The following PDE1C variants were observed in gnomAD, a reference collection of about 807,000 sequenced individuals.
PDE1C encodes phosphodiesterase 1C.
In PDE1C, 62 loss-of-function variants were observed where a neutral mutation model predicts 93.1. The ratio of observed to expected loss-of-function variants is 0.67; its 90% CI spans 0.54 to 0.82. PDE1C has a LOEUF of 0.82. PDE1C is among the 40% of genes least tolerant of loss of function. The pLI, the probability that PDE1C is intolerant of heterozygous loss-of-function variation, is 0.00. For synonymous variants in PDE1C, 325 were observed against 310.1 expected, an observed-to-expected ratio of 1.05 and a Z score of -0.50; for missense variants, 742 against 884.6, an observed-to-expected ratio of 0.84 and a Z score of 2.04.
the PDE1C span, chr7:31,652,846 T>C: frequency 3.7e-6 from 6 of 1,602,268 alleles, no homozygotes; most frequent in East Asian, 1.3e-4. Context: ...GCAGGTTTGT[T>C]AACCTTCATA....
the PDE1C span, among the ~76,000 whole-genome samples, chr7:31,619,977 T>A: frequency 6.6e-6 from 1 of 152,066 alleles, no homozygotes; most frequent in Non-Finnish European, 1.5e-5. Context: ...GCTTGGCGGG[T>A]CCTACGCCCA....
At chr7:32,098,361 T>C (rs1797876030) in intron 3 of PDE1C, among the ~76,000 whole-genome samples, 1 of 152,116 alleles carries the variant, frequency 6.6e-6, no homozygotes, top group Non-Finnish European at 1.5e-5. Context: ...TTATATGACC[T>C]TGGCGAGCCT....
At chr7:31,841,227 C>CTCTCTATATATATATA (rs751320538) in intron 9 of PDE1C, among the ~76,000 whole-genome samples, 67 of 142,280 alleles carry the variant, frequency 4.7e-4, no homozygotes, top group African/African-American at 1.7e-3. Flanking sequence ...CTCTCTCTCT[C>CTCTCTATATATATATA]TATATATATA....
the PDE1C span, chr7:31,658,299 C>CTTTTTTTTT: frequency 7.2e-7 from 1 of 1,388,398 alleles, no homozygotes; most frequent in Non-Finnish European, 9.5e-7. Flanking sequence ...AGCTGGATCC[C>CTTTTTTTTT]TTTTTTTTTT....
intron 14 of PDE1C, among the ~76,000 whole-genome samples, chr7:31,816,601 C>T (rs762825195): frequency 3.9e-5 from 6 of 152,024 alleles, no homozygotes; most frequent in Non-Finnish European, 7.4e-5. Context: ...TAAAACTTTC[C>T]CATAGCCACA....
chr7:31,848,996 T>C (rs1414163986), intron 8 of PDE1C, among the ~76,000 whole-genome samples: 1 of 152,244 alleles, frequency 6.6e-6, no homozygotes, highest in African/African-American at 2.4e-5. Context: ...TCACACAGGC[T>C]GAGAGGCTTT....
chr7:32,216,464 G>A (rs1806442306), intron 1 of PDE1C, among the ~76,000 whole-genome samples: 1 of 152,190 alleles, frequency 6.6e-6, no homozygotes. Flanking sequence ...CCAAGTGCCT[G>A]GCATACAATA....
intron 16 of PDE1C, among the ~76,000 whole-genome samples, chr7:31,782,616 G>C (rs964969152): frequency 1.3e-5 from 2 of 152,130 alleles, no homozygotes; most frequent in Non-Finnish European, 2.9e-5. Context: ...TTCTCTCTCT[G>C]AGGCCGGTTT....
chr7:32,186,275 T>C (rs1280416994), intron 2 of PDE1C, among the ~76,000 whole-genome samples: 3 of 150,956 alleles, frequency 2.0e-5, no homozygotes, highest in Non-Finnish European at 3.0e-5. Flanking sequence ...GCTAATTTTT[T>C]GTATTTTTAG....
intron 2 of PDE1C, among the ~76,000 whole-genome samples, chr7:32,027,257 T>A (rs1789560535): frequency 6.6e-6 from 1 of 152,076 alleles, no homozygotes; most frequent in African/African-American, 2.4e-5. Context: ...AAGCTGCACA[T>A]GTGGGGATGG....
At chr7:31,710,708 A>G in the PDE1C span, among the ~76,000 whole-genome samples, 1 of 152,190 alleles carries the variant, frequency 6.6e-6, no homozygotes, top group African/African-American at 2.4e-5. Flanking sequence ...GCCACTCGTA[A>G]TTTGTAAGTG....
chr7:32,262,573 A>G (rs1198520027), intron 1 of PDE1C, among the ~76,000 whole-genome samples: 2 of 152,128 alleles, frequency 1.3e-5, no homozygotes, highest in Non-Finnish European at 2.9e-5. Flanking sequence ...ACTATGGCAG[A>G]TACGCAGCAA....
At chr7:31,739,964 C>G in the PDE1C span, among the ~76,000 whole-genome samples, 3 of 152,216 alleles carry the variant, frequency 2.0e-5, no homozygotes, top group Admixed American at 2.0e-4. Context: ...TACTTTCTCT[C>G]TCTTTCCCAA....
chr7:31,805,587 G>C (rs1786720050), intron 16 of PDE1C, among the ~76,000 whole-genome samples: 1 of 150,838 alleles, frequency 6.6e-6, no homozygotes, highest in Admixed American at 6.6e-5. Flanking sequence ...TCTCTATGCT[G>C]TCTGGAAGTA....
chr7:32,214,119 A>G (rs952874277), intron 1 of PDE1C, among the ~76,000 whole-genome samples: 1 of 152,126 alleles, frequency 6.6e-6, no homozygotes, highest in African/African-American at 2.4e-5. Context: ...TATGTAAAAA[A>G]CTTTTTATAC....
intron 2 of PDE1C, among the ~76,000 whole-genome samples, chr7:31,955,582 T>A (rs1808017413): frequency 6.6e-6 from 1 of 152,144 alleles, no homozygotes; most frequent in South Asian, 2.1e-4. Flanking sequence ...GTATACTGAT[T>A]AATTGTCTTA....
At chr7:32,288,478 C>T (rs1414085117) in intron 1 of PDE1C, among the ~76,000 whole-genome samples, 1 of 152,148 alleles carries the variant, frequency 6.6e-6, no homozygotes, top group Non-Finnish European at 1.5e-5. Flanking sequence ...CTGTCTTAAA[C>T]GGTTGGCCTC....
chr7:31,790,326 C>T, intron 16 of PDE1C: 2 of 1,421,076 alleles, frequency 1.4e-6, no homozygotes, highest in South Asian at 2.4e-5. Context: ...CTCCACCCTC[C>T]AAGTCTGAGG....
At chr7:31,619,561 G>A in the PDE1C span, among the ~76,000 whole-genome samples, 66 of 151,878 alleles carry the variant, frequency 4.3e-4, no homozygotes, top group African/African-American at 1.6e-3. Flanking sequence ...CATCTATGCT[G>A]AGGAAATCAA....
Sources: allele counts gnomAD v4.1 joint callset (sites outside exome capture counted in the v4.1 genomes callset), GRCh38; gene constraint gnomAD v4.1.1; transcripts MANE v1.5; gene names NCBI Gene and HGNC (gene_info 2026-07-23, HGNC 2026-07-21).